Variants in CREB3L2 observed in about 807,000 individuals in gnomAD.
CREB3L2 encodes cyclic AMP-responsive element-binding protein 3-like protein 2.
Under a neutral mutation model 57.2 loss-of-function variants are expected in CREB3L2, and 23 were observed. The ratio of observed to expected loss-of-function variants is 0.40; its 90% confidence interval spans 0.29 to 0.57. The LOEUF is 0.57. Ranked by LOEUF, CREB3L2 falls within the 20% of genes least tolerant of loss-of-function variation. The pLI is 0.42. For synonymous variants in CREB3L2, 268 were observed against 265.1 expected (o/e 1.01, Z -0.11); for missense variants, 628 against 634.7 (o/e 0.99, Z 0.11).
Position 138,001,736 on chromosome 7 carries a change from C to G in CREB3L2, c.-31G>C. ...TGCGGGCCGCGCTGGGCCGAGGATG[C>G]TAAGCGCAGGAGGGGACGCGCAGAG... On this transcript the variant is annotated 5_prime_UTR_variant, in exon 1 of 12. Coordinates refer to ENST00000330387, the MANE Select transcript of CREB3L2 (RefSeq NM_194071.4). This position sits in a 1 kb window ranked among gnomAD's most constrained non-coding sequence, Gnocchi z 4.2. 5 of 1,551,288 alleles carry G rather than the reference C, an allele frequency of 3.2e-6. No homozygotes were observed. Among genetic ancestry groups the G allele is most frequent in the Non-Finnish European group, 4.4e-6 (5 of 1,143,000 alleles).
intron 5 of CREB3L2, among the ~76,000 whole-genome samples, chr7:137,907,928 C>T (rs917830111): frequency 1.3e-5 from 2 of 152,188 alleles, no homozygotes; most frequent in Middle Eastern, 3.4e-3. Context: ...TAAATTAATG[C>T]AAATATTTAT....
intron 1 of CREB3L2, among the ~76,000 whole-genome samples, chr7:137,938,584 T>A (rs1334244735): frequency 1.3e-5 from 2 of 152,096 alleles, no homozygotes; most frequent in Non-Finnish European, 2.9e-5. Flanking sequence ...GATCTTGTGA[T>A]CCACCCGCCT....
chr7:137,957,846 C>A, intron 1 of CREB3L2: 2 of 1,114,662 alleles, frequency 1.8e-6, no homozygotes, highest in Non-Finnish European at 2.4e-6. Flanking sequence ...AGCAAAAACA[C>A]TTCAGATGCA....
chr7:137,904,743 G>T (rs1440992881), intron 6 of CREB3L2, among the ~76,000 whole-genome samples: 1 of 151,564 alleles, frequency 6.6e-6, no homozygotes, highest in African/African-American at 2.4e-5. Flanking sequence ...GGAGGCTGAG[G>T]TAGGAGAATC....
intron 2 of CREB3L2, among the ~76,000 whole-genome samples, chr7:137,918,094 T>G (rs965283328): frequency 1.4e-4 from 21 of 152,264 alleles, no homozygotes; most frequent in African/African-American, 4.6e-4. Context: ...CAATGTCCGC[T>G]GCAAAGAACA....
chr7:137,964,307 A>G (rs930363160), intron 1 of CREB3L2, among the ~76,000 whole-genome samples: 5 of 152,200 alleles, frequency 3.3e-5, no homozygotes, highest in Admixed American at 2.6e-4. Flanking sequence ...CACGAGCGAG[A>G]CTTCCTCTCA....
intron 4 of CREB3L2, among the ~76,000 whole-genome samples, chr7:137,909,520 T>G (rs534965242): frequency 2.6e-4 from 40 of 152,194 alleles, no homozygotes; most frequent in Non-Finnish European, 5.6e-4. Context: ...AGGTAAACGC[T>G]TCACTCCTGG....
chr7:137,992,669 A>G (rs1487307829), intron 1 of CREB3L2, among the ~76,000 whole-genome samples: 1 of 152,242 alleles, frequency 6.6e-6, no homozygotes, highest in Admixed American at 6.5e-5. Context: ...ACATACAGAG[A>G]GAAGAGAAGG....
intron 10 of CREB3L2, among the ~76,000 whole-genome samples, chr7:137,883,300 T>C (rs963983107): frequency 6.6e-6 from 1 of 152,242 alleles, no homozygotes; most frequent in Non-Finnish European, 1.5e-5. Context: ...ACCTGCCTGG[T>C]GAAGACCACA....
At chr7:137,923,268 C>T (rs1455641972) in intron 2 of CREB3L2, among the ~76,000 whole-genome samples, 1 of 152,018 alleles carries the variant, frequency 6.6e-6, no homozygotes, top group East Asian at 1.9e-4. Flanking sequence ...CATTATTTTA[C>T]TTTTTTCAAA....
rs1382610165 is a variant in CREB3L2, at chr7:137,885,403, C to T, written c.1143G>A (p.Met381Ile). 6.2e-7 allele frequency: 1 copy of T among 1,613,472 alleles called. No individual in the cohort carries two copies. Among genetic ancestry groups the T allele is most frequent in the Admixed American group, 1.7e-5 (1 of 59,980 alleles). Residue 381 changes from methionine (M) to isoleucine (I), a missense_variant and splice_region_variant, in exon 9 of 12, where the codon ATG (methionine) becomes ATA (isoleucine). By Grantham distance (10) the Met-to-Ile change is conservative. Coordinates refer to ENST00000330387, the MANE Select transcript of CREB3L2 (RefSeq NM_194071.4). ...LAGTQTGTCL[M>I]VVVLCFAVAF... ...TGTGCTACCCTGCTGGGAAGCTCAC[C>T]ATGAGGCAGGTGCCAGTCTGCGTGC...
intron 1 of CREB3L2, among the ~76,000 whole-genome samples, chr7:137,949,331 C>T (rs776733328): frequency 9.9e-5 from 15 of 152,194 alleles, no homozygotes; most frequent in Admixed American, 9.2e-4. Context: ...ATGTCAGAAA[C>T]TGTGTCGTTG....
rs1800045071 is a variant in CREB3L2 at position 137,912,915 on chromosome 7, C to G, written c.583+76G>C. 4 of 1,588,838 alleles carry G rather than the reference C, an allele frequency of 2.5e-6. No homozygotes were observed. The East Asian group carries it at 6.8e-5, about 27-fold the overall frequency. On this transcript the variant is annotated intron_variant, in intron 4 of 11. Coordinates refer to ENST00000330387, the MANE Select transcript of CREB3L2 (RefSeq NM_194071.4). Reference sequence around the variant, plus strand: ...TCTGTGGTACAAACTCATCCCAGCTCTCTCGCCATATTCCCTCTCTGTAGA... The same window carrying G: ...TCTGTGGTACAAACTCATCCCAGCTGTCTCGCCATATTCCCTCTCTGTAGA...
intron 1 of CREB3L2, among the ~76,000 whole-genome samples, chr7:137,972,684 CAAAAAAAAAAAA>C (rs58627909): frequency 1.0e-3 from 10 of 9,658 alleles, no homozygotes; most frequent in South Asian, 0.016. Context: ...CCCGTCTCTA[CAAAAAAAAAAAA>C]AAAAAAAAAA....
intron 1 of CREB3L2, among the ~76,000 whole-genome samples, chr7:137,997,558 CAA>C (rs58803804): frequency 6.6e-6 from 1 of 150,696 alleles, no homozygotes; most frequent in Non-Finnish European, 1.5e-5. Flanking sequence ...CCGTTTCTAC[CAA>C]AAAAAAAGAA....
intron 1 of CREB3L2, among the ~76,000 whole-genome samples, chr7:137,978,866 C>T (rs990426171): frequency 3.9e-5 from 6 of 152,058 alleles, no homozygotes; most frequent in African/African-American, 1.4e-4. Context: ...ATGAAAACCT[C>T]AAGGAGAAAC....
chr7:137,996,608 G>T (rs897500181), intron 1 of CREB3L2, among the ~76,000 whole-genome samples: 2 of 152,168 alleles, frequency 1.3e-5, no homozygotes, highest in Non-Finnish European at 2.9e-5. Context: ...CGGGCCAGGC[G>T]GGAGGAACAG....
At chr7:137,982,349 C>G (rs938974993) in intron 1 of CREB3L2, among the ~76,000 whole-genome samples, 6 of 152,240 alleles carry the variant, frequency 3.9e-5, no homozygotes, top group African/African-American at 1.4e-4. Flanking sequence ...TCCTTGGGAA[C>G]CTTATGAAAC....
intron 1 of CREB3L2, among the ~76,000 whole-genome samples, chr7:137,946,426 GAA>G (rs34011740): frequency 9.8e-6 from 1 of 102,494 alleles, no homozygotes; most frequent in Non-Finnish European, 2.1e-5. Context: ...TACAAATGCA[GAA>G]AAAAAAAAAA....
Sources: gnomAD v4.1 joint callset for allele counts (sites outside exome capture counted in the v4.1 genomes callset) on GRCh38, gnomAD v4.1.1 for gene constraint, Gnocchi (gnomAD v3.1) non-coding constraint, MANE v1.5 for transcripts, NCBI Gene and HGNC (gene_info 2026-07-23, HGNC 2026-07-21) for gene names.